Variants in ZNF503 observed in about 807,000 individuals in gnomAD.
ZNF503 encodes NocA-like zinc finger 2.
ZNF503 carries 15 observed loss-of-function variants against 34.4 expected under a neutral mutation model. The observed-to-expected ratio is 0.44, with a 90% confidence interval of 0.29 to 0.67. ZNF503 has a LOEUF of 0.67. ZNF503 is among the 30% of genes least tolerant of loss of function. The pLI is 0.13. For missense variants in ZNF503, 1,007 were observed against 926.8 expected (o/e 1.09, Z -1.12); for synonymous variants, 580 against 456.8 (o/e 1.27, Z -3.44).
the ZNF503 span, among the ~76,000 whole-genome samples, chr10:75,386,444 G>A: frequency 6.6e-6 from 1 of 152,262 alleles, no homozygotes; most frequent in South Asian, 2.1e-4. Flanking sequence ...TGAGTCTAAA[G>A]GCCTCAGGAT....
the ZNF503 span, among the ~76,000 whole-genome samples, chr10:75,348,741 T>C: frequency 6.7e-6 from 1 of 149,646 alleles, no homozygotes; most frequent in Non-Finnish European, 1.5e-5. Context: ...CTCCATCTCC[T>C]GACCTCGTGA....
chr10:75,346,884 C>T, the ZNF503 span, among the ~76,000 whole-genome samples: 1 of 151,762 alleles, frequency 6.6e-6, no homozygotes, highest in African/African-American at 2.4e-5. Context: ...TCAAGCGATC[C>T]TCCTGCCTCA....
At chr10:75,349,077 A>G in the ZNF503 span, among the ~76,000 whole-genome samples, 117 of 152,290 alleles carry the variant, frequency 7.7e-4, no homozygotes, top group Non-Finnish European at 1.4e-3. Context: ...AATATTTCAC[A>G]TCTCCTAAGA....
chr10:75,355,824 G>C, the ZNF503 span, among the ~76,000 whole-genome samples: 1 of 152,202 alleles, frequency 6.6e-6, no homozygotes, highest in South Asian at 2.1e-4. Flanking sequence ...CTTTGTCTCT[G>C]CTCCACAGCA....
At chr10:75,327,528 C>A in the ZNF503 span, among the ~76,000 whole-genome samples, 8 of 152,034 alleles carry the variant, frequency 5.3e-5, no homozygotes, top group Non-Finnish European at 1.2e-4. Context: ...GATTATATAT[C>A]TTGGCCATTG....
the ZNF503 span, among the ~76,000 whole-genome samples, chr10:75,356,773 T>G: frequency 6.6e-6 from 1 of 152,154 alleles, no homozygotes; most frequent in Non-Finnish European, 1.5e-5. Context: ...GAGAGAACTT[T>G]GGGCTTAATT....
chr10:75,284,644 A>G, the ZNF503 span, among the ~76,000 whole-genome samples: 2 of 152,194 alleles, frequency 1.3e-5, no homozygotes, highest in South Asian at 4.1e-4. Flanking sequence ...GGCTAATACC[A>G]GAAAGGGTTT....
chr10:75,357,316 A>G, the ZNF503 span, among the ~76,000 whole-genome samples: 3 of 151,800 alleles, frequency 2.0e-5, no homozygotes, highest in African/African-American at 7.3e-5. Context: ...CTAGGAGTTC[A>G]AGATTAGTTT....
the ZNF503 span, among the ~76,000 whole-genome samples, chr10:75,327,657 T>A: frequency 2.0e-5 from 3 of 152,220 alleles, no homozygotes; most frequent in Non-Finnish European, 4.4e-5. Flanking sequence ...TATTTGTAGT[T>A]TTTTGAGGAA....
chr10:75,386,262 T>C, the ZNF503 span, among the ~76,000 whole-genome samples: 1 of 152,146 alleles, frequency 6.6e-6, no homozygotes, highest in African/African-American at 2.4e-5. Flanking sequence ...CCAGATTTGA[T>C]CACAAGAATG....
rs768033448 is a variant in ZNF503 at position 75,399,369 on chromosome 10, G to C, written c.1321C>G (p.Leu441Val). 1 of 1,606,474 alleles carries C rather than the reference G, an allele frequency of 6.2e-7. No homozygotes were observed. The highest frequency in any genetic ancestry group is 1.1e-5 in the South Asian group (1 of 90,772). ...YCLSYHCASH[L>V]AGAAAASASC... ...GCGCTGGCGGCCGCCGCCCCTGCCA[G>C]GTGGCTAGCGCAGTGGTAGCTGAGG... Residue 441 changes from leucine to valine, a missense_variant, in exon 2 of 2, where the codon CTG becomes GTG. By Grantham distance (32) the Leu-to-Val change is conservative (BLOSUM62 1). Coordinates refer to ENST00000372524, the MANE Select transcript of ZNF503 (RefSeq NM_032772.6).
the ZNF503 span, among the ~76,000 whole-genome samples, chr10:75,309,838 T>C: frequency 6.6e-6 from 1 of 152,230 alleles, no homozygotes; most frequent in East Asian, 1.9e-4. Flanking sequence ...GAAGCTTTTG[T>C]TCTATCTTTT....
chr10:75,321,132 T>C, the ZNF503 span, among the ~76,000 whole-genome samples: 5 of 152,154 alleles, frequency 3.3e-5, no homozygotes, highest in Non-Finnish European at 7.3e-5. Context: ...CTCCTGTCTC[T>C]TTCTTCCTCC....
the ZNF503 span, among the ~76,000 whole-genome samples, chr10:75,385,525 G>GGCTGGGGCTTCA: frequency 1.3e-5 from 2 of 152,182 alleles, no homozygotes; most frequent in Non-Finnish European, 2.9e-5. Context: ...CACTGCTGTT[G>GGCTGGGGCTTCA]GCTGGGGCTT....
At chr10:75,288,174 T>C in the ZNF503 span, among the ~76,000 whole-genome samples, 244 of 152,344 alleles carry the variant, frequency 1.6e-3, no homozygotes, top group African/African-American at 5.7e-3. Context: ...AGCAAGATCA[T>C]AATCTTTTTA....
At chr10:75,357,410 C>T in the ZNF503 span, among the ~76,000 whole-genome samples, 2 of 151,612 alleles carry the variant, frequency 1.3e-5, no homozygotes, top group Non-Finnish European at 1.5e-5. Context: ...CCCAGCTACT[C>T]GGGAGGTTGA....
the ZNF503 span, chr10:75,283,418 G>A: frequency 6.6e-6 from 1 of 152,354 alleles, no homozygotes; most frequent in Non-Finnish European, 1.5e-5. Flanking sequence ...TGCAAGAGTG[G>A]TGGGGGAAGA....
the ZNF503 span, among the ~76,000 whole-genome samples, chr10:75,336,630 T>A: frequency 6.6e-6 from 1 of 152,274 alleles, no homozygotes; most frequent in South Asian, 2.1e-4. Context: ...GGGTCAGATG[T>A]CCAGGTGGCT....
At chr10:75,324,884 A>G in the ZNF503 span, among the ~76,000 whole-genome samples, 1,393 of 152,256 alleles carry the variant, frequency 9.1e-3, 29 homozygotes, top group African/African-American at 0.032. Flanking sequence ...TCTTTCACTT[A>G]GCATAATATT....
Sources: allele counts gnomAD v4.1 joint callset (sites outside exome capture counted in the v4.1 genomes callset), GRCh38; gene constraint gnomAD v4.1.1; transcripts MANE v1.5; gene names NCBI Gene and HGNC (gene_info 2026-07-23, HGNC 2026-07-21).